The following TUSC3 variants were observed in gnomAD, a reference collection of about 807,000 sequenced individuals.
The protein encoded by TUSC3 is tumor suppressor candidate 3.
A neutral mutation model predicts 44.8 loss-of-function variants in TUSC3; 45 were observed. The observed-to-expected ratio is 1.00, with a 90% CI of 0.79 to 1.29. The LOEUF (loss-of-function observed/expected upper bound fraction) is 1.29, where lower values mean the gene tolerates loss of function less well. TUSC3 is among the 50% of genes most tolerant of loss of function. TUSC3 has a pLI of 0.00. For missense variants in TUSC3, 519 were observed against 437.9 expected (o/e 1.19, Z -1.65); for synonymous variants, 212 against 152.9 (o/e 1.39, Z -2.85).
chr8:15,492,992 C>T (rs925101898), intron 2 of TUSC3, among the ~76,000 whole-genome samples: 2 of 151,884 alleles, frequency 1.3e-5, no homozygotes, highest in African/African-American at 4.8e-5. Flanking sequence ...CCTGTCTCAA[C>T]AAATAAATAC....
rs184862654 is a variant in TUSC3 at position 15,505,204 on chromosome 8, G to A, written n.189+21721G>A. Among the ~76,000 whole-genome samples, 52 of 152,184 alleles carry A rather than the reference G, an allele frequency of 3.4e-4. 1 individual carries two copies. In the East Asian group the frequency reaches 7.8e-3, roughly 23 times the overall value. ...TCACAGATGACTCAGGTTATTTGCCGCAGCAACTTCTGGATGATCAAATAT... is the reference window on the plus strand; with the variant it reads ...TCACAGATGACTCAGGTTATTTGCCACAGCAACTTCTGGATGATCAAATAT... On this transcript the variant is annotated intron_variant and non_coding_transcript_variant, in intron 2 of 5. Coordinates refer to the TUSC3 transcript ENST00000503191.
the TUSC3 span, among the ~76,000 whole-genome samples, chr8:15,816,255 G>C: frequency 6.6e-6 from 1 of 152,100 alleles, no homozygotes; most frequent in African/African-American, 2.4e-5. Context: ...ACTGGAGATG[G>C]GTTTGCAGAG....
chr8:15,425,976 A>C (rs951066301), intron 1 of TUSC3, among the ~76,000 whole-genome samples: 14 of 152,228 alleles, frequency 9.2e-5, no homozygotes, highest in African/African-American at 3.1e-4. Flanking sequence ...TTATTGTGCC[A>C]TTGTACTCAA....
intron 1 of TUSC3, among the ~76,000 whole-genome samples, chr8:15,611,995 G>A (rs753182166): frequency 2.0e-5 from 3 of 152,158 alleles, no homozygotes; most frequent in Non-Finnish European, 4.4e-5. Flanking sequence ...GTCTTGAAAA[G>A]TAAAGGCTTC....
intron 2 of TUSC3, among the ~76,000 whole-genome samples, chr8:15,499,032 G>A (rs922863968): frequency 4.0e-5 from 6 of 151,640 alleles, no homozygotes; most frequent in African/African-American, 1.5e-4. Context: ...TCTCCTGTGG[G>A]TTCCAAATTA....
chr8:15,630,242 C>G lies in TUSC3; in HGVS notation c.308+6993C>G, dbSNP rs758596526. Reference sequence around the variant, plus strand: ...GAATCAAGCAGGTTGCCTGTATAACCAAAGTTTTGGTGATGTGTTGGAGAT... The same window carrying G: ...GAATCAAGCAGGTTGCCTGTATAACGAAAGTTTTGGTGATGTGTTGGAGAT... On this transcript the variant is annotated intron_variant, in intron 2 of 10. Transcript: ENST00000503731. Among the ~76,000 whole-genome samples, 51 of 152,090 alleles carry G rather than the reference C, an allele frequency of 3.4e-4. No individual in the cohort carries two copies. The Middle Eastern group carries it at 0.01, about 30-fold the overall frequency.
the TUSC3 span, among the ~76,000 whole-genome samples, chr8:15,823,597 T>A: frequency 3.9e-4 from 59 of 152,320 alleles, no homozygotes; most frequent in Non-Finnish European, 7.5e-4. Flanking sequence ...AATCTGAGTT[T>A]AAATAATTTT....
In TUSC3 at chr8:15,619,497, T is replaced by A. The variant is rs79788704; in HGVS notation, c.139-3583T>A. On this transcript the variant is annotated intron_variant, in intron 1 of 10. Transcript: ENST00000503731. ...CTGGAAAGAGTTTTATTCCATATAT[T>A]TTTTTTTTTTTCCAGTCGAAGTCTG... Among the ~76,000 whole-genome samples the A allele has an allele frequency of 9.8e-3, 1,468 of 150,234 alleles. 64 individuals carry two copies. In the East Asian group the frequency reaches 0.1, roughly 10 times the overall value.
At chr8:15,511,126 C>G (rs1410438773) in intron 2 of TUSC3, among the ~76,000 whole-genome samples, 1 of 152,080 alleles carries the variant, frequency 6.6e-6, no homozygotes. Context: ...AAACTAATAC[C>G]AAACTTAATG....
chr8:15,641,598 G>A (rs1033914380), intron 2 of TUSC3, among the ~76,000 whole-genome samples: 17 of 152,220 alleles, frequency 1.1e-4, no homozygotes, highest in Non-Finnish European at 2.1e-4. Context: ...TAGAGACTTC[G>A]TTATGCCTCA....
chr8:15,424,764 C>T (rs921468249), intron 1 of TUSC3, among the ~76,000 whole-genome samples: 2 of 151,776 alleles, frequency 1.3e-5, no homozygotes, highest in African/African-American at 2.4e-5. Flanking sequence ...CCTGTGGGCC[C>T]GGCTACTTGG....
Position 15,757,500 on chromosome 8 carries a change from T to C in TUSC3, c.1029-291T>C, listed in dbSNP as rs150780812. On this transcript the variant is annotated intron_variant, in intron 9 of 10. Transcript: ENST00000503731. ...AAGCTGTACAAATAGAACAATAATA[T>C]CTAAATGGTGTGATGATCAGCCCAC... is the stretch of plus-strand genomic sequence containing the variant. Among the ~76,000 whole-genome samples the C allele has an allele frequency of 2.1e-3, 315 of 152,236 alleles. 1 individual carries two copies. The highest frequency in any genetic ancestry group is 6.8e-3 in the African/African-American group (282 of 41,542).
intron 1 of TUSC3, among the ~76,000 whole-genome samples, chr8:15,607,940 G>A (rs1338459816): frequency 6.6e-6 from 1 of 152,102 alleles, no homozygotes; most frequent in South Asian, 2.1e-4. Context: ...TATCTTGAAT[G>A]CCCATATAAT....
intron 1 of TUSC3, among the ~76,000 whole-genome samples, chr8:15,448,523 A>G (rs1357226723): frequency 1.3e-5 from 2 of 152,158 alleles, no homozygotes; most frequent in African/African-American, 4.8e-5. Flanking sequence ...TAGTCTTTCA[A>G]ATGTTCTACT....
At chr8:15,552,399 C>T (rs1048685531) in intron 1 of TUSC3, among the ~76,000 whole-genome samples, 3 of 151,604 alleles carry the variant, frequency 2.0e-5, no homozygotes, top group Non-Finnish European at 4.4e-5. Context: ...TCCTACTGCT[C>T]ATAGTTCAGT....
intron 1 of TUSC3, among the ~76,000 whole-genome samples, chr8:15,471,893 C>A (rs982138079): frequency 6.6e-6 from 1 of 152,146 alleles, no homozygotes; most frequent in Non-Finnish European, 1.5e-5. Flanking sequence ...GCTAGGATTA[C>A]AGGCATGAGC....
At chr8:15,435,140 A>C (rs1799929598) in intron 1 of TUSC3, among the ~76,000 whole-genome samples, 1 of 149,544 alleles carries the variant, frequency 6.7e-6, no homozygotes, top group South Asian at 2.1e-4. Flanking sequence ...GAACTAGTTT[A>C]CAGTCCCACC....
intron 1 of TUSC3, among the ~76,000 whole-genome samples, chr8:15,562,575 G>C (rs963242386): frequency 6.6e-6 from 1 of 152,266 alleles, no homozygotes; most frequent in African/African-American, 2.4e-5. Context: ...AAGGGTCTTA[G>C]GAGGCCAAAA....
chr8:15,561,757 A>T (rs569067905), intron 1 of TUSC3: 2 of 144,858 alleles, frequency 1.4e-5, no homozygotes, highest in Admixed American at 1.4e-4. Context: ...GGTATGAGTG[A>T]CCCGATTTTC....
Sources: allele counts gnomAD v4.1 joint callset (sites outside exome capture counted in the v4.1 genomes callset), GRCh38; gene constraint gnomAD v4.1.1; transcripts MANE v1.5; gene names NCBI Gene and HGNC (gene_info 2026-07-23, HGNC 2026-07-21).